The following TPST1 variants were observed in gnomAD, a reference collection of about 807,000 sequenced individuals.
The protein encoded by TPST1 is protein-tyrosine sulfotransferase 1.
In TPST1, 20 loss-of-function variants were observed where a neutral mutation model predicts 34.8. That is an observed-to-expected ratio of 0.57 (90% confidence interval 0.40 to 0.84). The LOEUF is 0.84. Among genes scored for constraint, TPST1 ranks in the 40% least tolerant of loss-of-function variants. The probability of loss-of-function intolerance (pLI) is 0.00; values close to 1 mark genes in which losing one functional copy is unlikely to be tolerated. For missense variants in TPST1, 353 were observed against 455.5 expected (o/e 0.78, Z 2.05); for synonymous variants, 152 against 159.4 (o/e 0.95, Z 0.35).
intron 3 of TPST1, among the ~76,000 whole-genome samples, chr7:66,347,328 A>G (rs897032914): frequency 6.6e-6 from 1 of 151,974 alleles, no homozygotes; most frequent in Non-Finnish European, 1.5e-5. Context: ...TTGACTTACT[A>G]AAGTGCTGGG....
intron 3 of TPST1, among the ~76,000 whole-genome samples, chr7:66,331,122 G>A (rs1174968303): frequency 2.0e-5 from 3 of 152,176 alleles, no homozygotes; most frequent in African/African-American, 7.2e-5. Context: ...GGCTGGAGAT[G>A]CCAGTTATTT....
At chr7:66,301,554 G>C (rs963902516) in intron 3 of TPST1, among the ~76,000 whole-genome samples, 2 of 152,200 alleles carry the variant, frequency 1.3e-5, no homozygotes, top group Non-Finnish European at 2.9e-5. Context: ...TAAAGTGAGA[G>C]ATATGCGACT....
intron 2 of TPST1, among the ~76,000 whole-genome samples, 164 bp downstream of exon 2, chr7:66,241,434 C>CT (rs1301363600): frequency 6.6e-6 from 1 of 152,068 alleles, no homozygotes; most frequent in Non-Finnish European, 1.5e-5. Flanking sequence ...GATGAGGTTT[C>CT]TTTTTTTATT....
intron 1 of TPST1, among the ~76,000 whole-genome samples, chr7:66,210,802 A>G (rs541612110): frequency 6.6e-6 from 1 of 152,230 alleles, no homozygotes; most frequent in South Asian, 2.1e-4. Flanking sequence ...CTGTCTCTAC[A>G]AAATAGGAAA....
chr7:66,340,801 T>C (rs563176711), intron 3 of TPST1, among the ~76,000 whole-genome samples: 4 of 152,222 alleles, frequency 2.6e-5, no homozygotes, highest in East Asian at 1.9e-4. Flanking sequence ...AATATTGTTA[T>C]GGAGTTCGAG....
chr7:66,295,394 C>A (rs1429932464), intron 3 of TPST1, among the ~76,000 whole-genome samples: 2 of 152,094 alleles, frequency 1.3e-5, no homozygotes, highest in Non-Finnish European at 2.9e-5. Flanking sequence ...GCTTGGGAGG[C>A]TGAGGTGAGA....
At chr7:66,223,050 G>C (rs985789543) in intron 1 of TPST1, among the ~76,000 whole-genome samples, 4 of 152,062 alleles carry the variant, frequency 2.6e-5, no homozygotes, top group Non-Finnish European at 5.9e-5. Flanking sequence ...ACTGATTCCA[G>C]ACTAGAGCCC....
intron 3 of TPST1, among the ~76,000 whole-genome samples, chr7:66,344,871 C>T (rs1792311729): frequency 6.6e-6 from 1 of 151,456 alleles, no homozygotes; most frequent in Non-Finnish European, 1.5e-5. Context: ...CTACAGGTGC[C>T]TGCCAACACA....
chr7:66,242,430 T>C (rs1213404719), intron 2 of TPST1, among the ~76,000 whole-genome samples: 2 of 152,180 alleles, frequency 1.3e-5, no homozygotes, highest in Non-Finnish European at 2.9e-5. Flanking sequence ...AGAACTTGTA[T>C]AGTAAATAGA....
chr7:66,260,946 G>A (rs1295874398), intron 2 of TPST1, among the ~76,000 whole-genome samples: 1 of 152,092 alleles, frequency 6.6e-6, no homozygotes, highest in Non-Finnish European at 1.5e-5. Context: ...CTGTAAATTC[G>A]TTCTTTCCAT....
chr7:66,219,297 C>T (rs1789492337), intron 1 of TPST1, among the ~76,000 whole-genome samples: 2 of 152,054 alleles, frequency 1.3e-5, no homozygotes, highest in African/African-American at 4.8e-5. Flanking sequence ...GCATAATTTC[C>T]CACAACAAAC....
At chr7:66,249,368 C>T (rs930885479) in intron 2 of TPST1, among the ~76,000 whole-genome samples, 8 of 152,034 alleles carry the variant, frequency 5.3e-5, no homozygotes, top group Non-Finnish European at 1.0e-4. Flanking sequence ...ATGGTTGGTA[C>T]CCATCCAGAT....
At chr7:66,244,723 C>G (rs188571437) in intron 2 of TPST1, among the ~76,000 whole-genome samples, 1 of 152,046 alleles carries the variant, frequency 6.6e-6, no homozygotes, top group African/African-American at 2.4e-5. Context: ...CATGAAATTA[C>G]GTGGAACAAA....
At chr7:66,349,210 T>C (rs982912465) in intron 3 of TPST1, among the ~76,000 whole-genome samples, 2 of 152,158 alleles carry the variant, frequency 1.3e-5, no homozygotes, top group African/African-American at 4.8e-5. Flanking sequence ...ACGTTCTGCA[T>C]AAATTCTAGC....
intron 4 of TPST1, among the ~76,000 whole-genome samples, chr7:66,356,191 C>T (rs1792579367): frequency 6.6e-6 from 1 of 152,090 alleles, no homozygotes; most frequent in Admixed American, 6.5e-5. Flanking sequence ...GTTCATAAAA[C>T]TCGGTAAAGT....
intron 4 of TPST1, chr7:66,353,006 G>A: frequency 1.0e-6 from 1 of 985,130 alleles, no homozygotes; most frequent in South Asian, 4.7e-5. Context: ...TGGCCCCTGG[G>A]AAGGACAGTG....
At chr7:66,312,913 A>G (rs769019638) in intron 3 of TPST1, among the ~76,000 whole-genome samples, 2 of 152,292 alleles carry the variant, frequency 1.3e-5, no homozygotes, top group South Asian at 4.1e-4. Context: ...AAAAGCATGG[A>G]TCAAATGTGT....
chr7:66,235,084 C>G (rs1234857074), intron 1 of TPST1, among the ~76,000 whole-genome samples: 1 of 151,932 alleles, frequency 6.6e-6, no homozygotes, highest in African/African-American at 2.4e-5. Flanking sequence ...CTTTTCTTGC[C>G]ATTGTTTCCT....
chr7:66,227,132 C>T (rs1789675175), intron 1 of TPST1, among the ~76,000 whole-genome samples: 1 of 147,596 alleles, frequency 6.8e-6, no homozygotes, highest in Non-Finnish European at 1.5e-5. Context: ...CTCCTGGGTT[C>T]AAGCAATTTT....
Sources: allele counts gnomAD v4.1 joint callset (sites outside exome capture counted in the v4.1 genomes callset), GRCh38; gene constraint gnomAD v4.1.1; transcripts MANE v1.5; gene names NCBI Gene and HGNC (gene_info 2026-07-23, HGNC 2026-07-21).